The following NRXN2 variants were observed in gnomAD, a reference collection of about 807,000 sequenced individuals.
NRXN2 encodes the protein neurexin-2-beta.
In NRXN2, 29 loss-of-function variants were observed where a neutral mutation model predicts 128.8. The ratio of observed to expected loss-of-function variants is 0.23; its 90% CI spans 0.17 to 0.31. NRXN2 has a LOEUF of 0.31. Among genes scored for constraint, NRXN2 ranks in the 10% least tolerant of loss-of-function variants. The pLI is 1.00. For missense variants in NRXN2, 1,881 were observed against 2,452.6 expected (o/e 0.77, Z 4.92); for synonymous variants, 1,098 against 1,075.2 (o/e 1.02, Z -0.41).
In NRXN2 at chr11:64,650,454, GA is replaced by G; in HGVS notation, c.3102del (p.Leu1035SerfsTer10). 6.2e-7 allele frequency: 1 copy of G among 1,614,188 alleles called. No individual in the cohort carries two copies. The highest frequency in any genetic ancestry group is 8.5e-7 in the Non-Finnish European group (1 of 1,180,034). ...CCAGAGGCCCCAGCCCCACCTTTGAGATCGAGGTTTCGGGCGCCATTGGAGT... is the reference window on the plus strand; with the variant it reads ...CCAGAGGCCCCAGCCCCACCTTTGAGTCGAGGTTTCGGGCGCCATTGGAGT... ...TQHSNGARNL[D>X]LKGELYIGGL... On this transcript the variant is annotated frameshift_variant, in exon 15 of 23. Transcript: ENST00000265459. LOFTEE classifies it high-confidence loss of function.
At chr11:64,615,158 G>A (rs1003204086) in intron 22 of NRXN2, among the ~76,000 whole-genome samples, 1 of 152,188 alleles carries the variant, frequency 6.6e-6, no homozygotes, top group Non-Finnish European at 1.5e-5. Flanking sequence ...CCTCTCCCAC[G>A]GCTGGCCCAT....
chr11:64,684,084 CT>C (rs1192972781), intron 6 of NRXN2, among the ~76,000 whole-genome samples: 6 of 152,242 alleles, frequency 3.9e-5, no homozygotes, highest in South Asian at 4.2e-4. Flanking sequence ...GGGACCATGT[CT>C]TTTTTTCCCC....
At position 64,652,040 on chromosome 11, in the gene NRXN2, A is replaced by G; in HGVS notation, c.2531T>C (p.Val844Ala). 6.2e-7 allele frequency: 1 copy of G among 1,612,072 alleles called. No individual in the cohort carries two copies. The highest frequency in any genetic ancestry group is 8.5e-7 in the Non-Finnish European group (1 of 1,179,946). ...CCTGGGCCCAGACCACCTACCCTCC[A>G]CAGTCACGTTGTCCACAGACAGCTG... ...SLQLSVDNVT[V>A]EGQMAGAHMR... The change falls in exon 13 of 23, where the codon GTG becomes GCG. Residue 844 changes from valine (V) to alanine (A), a missense_variant. Around this residue, in one of 7 missense-constraint regions of NRXN2, gnomAD observed 997 missense variants for 1,240.8 expected, o/e 0.80. Transcript: ENST00000265459.
At position 64,622,786 on chromosome 11, in the gene NRXN2, G is replaced by A. The variant is rs746323482; in HGVS notation, c.4140C>T (p.Gly1380=). ...TGCTGTCCCTCAGTGTGGGGGAGCGGCCCCGGCGCGTGGTGGTAGTGGCCA... is the reference window on the plus strand; with the variant it reads ...TGCTGTCCCTCAGTGTGGGGGAGCGACCCCGGCGCGTGGTGGTAGTGGCCA... ...TTMATTTTRR[G]RSPTLRDSTT... Residue 1380 remains glycine (G), a synonymous_variant, in exon 21 of 23, where the codon GGC becomes GGT. Transcript: ENST00000265459. This position sits in a 1 kb window ranked among gnomAD's most constrained non-coding sequence, Gnocchi z 4.3. 4.2e-5 allele frequency: 68 copies of A among 1,611,518 alleles called. No individual in the cohort carries two copies. The South Asian group carries it at 6.7e-4, about 16-fold the overall frequency.
intron 22 of NRXN2, among the ~76,000 whole-genome samples, chr11:64,612,536 T>A (rs1186545034): frequency 6.6e-6 from 1 of 152,210 alleles, no homozygotes; most frequent in Non-Finnish European, 1.5e-5. Context: ...GAGAATGCCA[T>A]CCCTGACCAG....
intron 1 of NRXN2, among the ~76,000 whole-genome samples, chr11:64,717,500 G>A (rs1184753117): frequency 1.3e-5 from 2 of 152,198 alleles, no homozygotes; most frequent in Non-Finnish European, 2.9e-5. Flanking sequence ...GGAGTGGGTG[G>A]GGCAGGGGGT....
intron 22 of NRXN2, among the ~76,000 whole-genome samples, chr11:64,619,318 G>A (rs1328445843): frequency 6.6e-6 from 1 of 151,690 alleles, no homozygotes; most frequent in African/African-American, 2.4e-5. Context: ...GGGAAATCTG[G>A]CCACATCCAG....
intron 6 of NRXN2, among the ~76,000 whole-genome samples, chr11:64,680,139 A>C: frequency 6.6e-6 from 1 of 152,170 alleles, no homozygotes; most frequent in African/African-American, 2.4e-5. Flanking sequence ...CTCAAACACC[A>C]ACTGTAGGAA....
At chr11:64,715,322 C>T (rs1442994533) in intron 1 of NRXN2, among the ~76,000 whole-genome samples, 1 of 152,102 alleles carries the variant, frequency 6.6e-6, no homozygotes, top group Non-Finnish European at 1.5e-5. Context: ...GGCCAGTCAG[C>T]GGGGAACTGA....
Position 64,648,194 on chromosome 11 carries a change from G to A in NRXN2, c.3403+25C>T, listed in dbSNP as rs1010834544. 7 of 1,613,868 alleles carry A rather than the reference G, an allele frequency of 4.3e-6. No homozygotes were observed. The African/African-American group carries it at 9.3e-5, about 22-fold the overall frequency. ...GAATGGACCCTGGTCTCCCCAAACT[G>A]CCCCCAGCCCTCCCAGGCACTCACG... On this transcript the variant is annotated intron_variant, in intron 17 of 22. Coordinates refer to ENST00000265459, the MANE Select transcript of NRXN2 (RefSeq NM_015080.4). The surrounding 1 kb of genome is among the most constrained non-coding windows in gnomAD (Gnocchi z 4.1).
At chr11:64,628,437 GC>G (rs1047832311) in intron 19 of NRXN2, among the ~76,000 whole-genome samples, 3 of 152,144 alleles carry the variant, frequency 2.0e-5, no homozygotes, top group African/African-American at 4.8e-5. Context: ...CTCAGGATCT[GC>G]CCTCAGTATA....
At chr11:64,641,083 G>A (rs1379135927) in intron 17 of NRXN2, among the ~76,000 whole-genome samples, 1 of 152,124 alleles carries the variant, frequency 6.6e-6, no homozygotes, top group Non-Finnish European at 1.5e-5. Flanking sequence ...ACTGATGAAG[G>A]CACAGCGATG....
intron 22 of NRXN2, among the ~76,000 whole-genome samples, chr11:64,617,216 G>A (rs1447343862): frequency 6.6e-6 from 1 of 152,044 alleles, no homozygotes; most frequent in Non-Finnish European, 1.5e-5. Context: ...GCTTGCTGGT[G>A]GGTATGTAAA....
chr11:64,655,186 C>T (rs2048073657), intron 11 of NRXN2, among the ~76,000 whole-genome samples: 1 of 152,164 alleles, frequency 6.6e-6, no homozygotes, highest in Non-Finnish European at 1.5e-5. Context: ...CACGGCCCTT[C>T]GGCAGTACAG....
rs1394391668 is a variant in NRXN2, at chr11:64,630,051, T to C, written c.3757+351A>G. ...GTCTCCCTCATTTCTGAACTCAACC[T>C]TTCCGCAATCGCATCAGATTCTCCT... On this transcript the variant is annotated intron_variant, in intron 19 of 22. Coordinates refer to ENST00000265459, the MANE Select transcript of NRXN2 (RefSeq NM_015080.4). The surrounding 1 kb of genome is among the most constrained non-coding windows in gnomAD (Gnocchi z 4.6). Among the ~76,000 whole-genome samples, 1 of 152,080 alleles carries C rather than the reference T, an allele frequency of 6.6e-6. No homozygotes were observed. The highest frequency in any genetic ancestry group is 2.4e-5 in the African/African-American group (1 of 41,392).
chr11:64,675,659 A>G (rs1396894953), intron 7 of NRXN2: 2 of 152,554 alleles, frequency 1.3e-5, no homozygotes, highest in African/African-American at 4.8e-5. Context: ...GGGCCTGCGC[A>G]CACACACTCT....
In NRXN2 at chr11:64,708,138, T is replaced by C. The variant is rs188435797; in HGVS notation, c.730+4832A>G. On this transcript the variant is annotated intron_variant, in intron 2 of 22. Coordinates refer to ENST00000265459, the MANE Select transcript of NRXN2 (RefSeq NM_015080.4). ...AGTCAACTCCCAGAGCACAGAGTCA[T>C]CTTATTCATCTCTGACCACACTGTA... Among the ~76,000 whole-genome samples the C allele has an allele frequency of 1.7e-3, 255 of 150,276 alleles. 2 individuals carry two copies. The highest frequency in any genetic ancestry group is 6.0e-3 in the African/African-American group (246 of 40,918).
rs117235265 is a variant in NRXN2 at position 64,616,797 on chromosome 11, G to A, written c.4252+3497C>T. ...TGAACATGCATGCACACATAGCTCA[G>A]AACACAGCCAAGTGCCTTGGTGTGA... is the stretch of plus-strand genomic sequence containing the variant. On this transcript the variant is annotated intron_variant, in intron 22 of 22. Transcript: ENST00000265459. 2.4e-4 allele frequency among the ~76,000 whole-genome samples: 36 copies of A among 152,284 alleles called. No homozygotes were observed. In the East Asian group the frequency reaches 7.0e-3, roughly 29 times the overall value.
intron 15 of NRXN2, among the ~76,000 whole-genome samples, 153 bp from the exon 16 acceptor site, chr11:64,649,060 C>A (rs1287044814): frequency 1.3e-5 from 2 of 152,130 alleles, no homozygotes; most frequent in African/African-American, 2.4e-5. Context: ...ACCTGCACAA[C>A]CCGCACCCCC....
Sources: allele counts gnomAD v4.1 joint callset (sites outside exome capture counted in the v4.1 genomes callset), GRCh38; gene constraint gnomAD v4.1.1; regional missense constraint gnomAD v4.1.1; non-coding constraint Gnocchi (gnomAD v3.1); transcripts MANE v1.5; gene names NCBI Gene and HGNC (gene_info 2026-07-23, HGNC 2026-07-21).